Variants in DCLK1 observed in about 807,000 individuals in gnomAD.
The protein encoded by DCLK1 is serine/threonine-protein kinase DCLK1.
A neutral mutation model predicts 86.2 loss-of-function variants in DCLK1; 16 were observed. That is an observed-to-expected ratio of 0.19 (90% CI 0.13 to 0.28). The LOEUF is 0.28. DCLK1 is among the 10% of genes least tolerant of loss of function. DCLK1 has a pLI of 1.00. For synonymous variants in DCLK1, 369 were observed against 370.5 expected, an observed-to-expected ratio of 1.00 and a Z score of 0.05; for missense variants, 590 against 940.2, an observed-to-expected ratio of 0.63 and a Z score of 4.87.
intron 12 of DCLK1, among the ~76,000 whole-genome samples, chr13:35,809,501 G>A (rs1385573504): frequency 6.6e-6 from 1 of 152,146 alleles, no homozygotes; most frequent in Non-Finnish European, 1.5e-5. Flanking sequence ...ATACATGATC[G>A]TACTTTGTTT....
At chr13:35,997,818 A>G (rs1376429423) in intron 3 of DCLK1, among the ~76,000 whole-genome samples, 3 of 152,252 alleles carry the variant, frequency 2.0e-5, no homozygotes, top group African/African-American at 7.2e-5. Flanking sequence ...AAATGTTTTG[A>G]CTAACCAGAA....
intron 3 of DCLK1, among the ~76,000 whole-genome samples, chr13:35,968,739 C>T (rs1019069883): frequency 6.6e-6 from 1 of 151,668 alleles, no homozygotes; most frequent in African/African-American, 2.4e-5. Flanking sequence ...CTCAGCAGAT[C>T]ATAGATTCTC....
intron 3 of DCLK1, among the ~76,000 whole-genome samples, chr13:35,987,568 C>T (rs936338650): frequency 7.9e-5 from 12 of 152,058 alleles, no homozygotes; most frequent in Non-Finnish European, 1.8e-4. Context: ...ATGCCTGTAT[C>T]AAAATATCTC....
chr13:35,805,902 A>T (rs1202117193), intron 14 of DCLK1, 123 bp from the exon 15 acceptor site: 3 of 747,440 alleles, frequency 4.0e-6, no homozygotes, highest in African/African-American at 3.5e-5. Context: ...TCTTAAATAC[A>T]TCAACTCCAC....
At chr13:36,006,971 T>C (rs577912542) in intron 3 of DCLK1, among the ~76,000 whole-genome samples, 2 of 152,352 alleles carry the variant, frequency 1.3e-5, no homozygotes, top group African/African-American at 4.8e-5. Flanking sequence ...CTCAGATTCA[T>C]AACATAATGC....
chr13:35,926,955 T>C (rs1876158678), intron 4 of DCLK1, among the ~76,000 whole-genome samples: 2 of 152,214 alleles, frequency 1.3e-5, no homozygotes, highest in African/African-American at 4.8e-5. Flanking sequence ...CAACTTCACA[T>C]AATGGAATGA....
intron 4 of DCLK1, among the ~76,000 whole-genome samples, chr13:35,928,090 T>C (rs1876227895): frequency 1.3e-5 from 2 of 152,206 alleles, no homozygotes; most frequent in African/African-American, 4.8e-5. Context: ...CTTTCCTGGG[T>C]TCTGTAAGTT....
chr13:35,969,846 C>T (rs182849806), intron 3 of DCLK1, among the ~76,000 whole-genome samples: 1 of 152,102 alleles, frequency 6.6e-6, no homozygotes, highest in Non-Finnish European at 1.5e-5. Flanking sequence ...TGTGATTAGG[C>T]ATGACAGTGA....
At chr13:36,012,955 C>T (rs1346238560) in intron 3 of DCLK1, among the ~76,000 whole-genome samples, 1 of 69,056 alleles carries the variant, frequency 1.4e-5, no homozygotes, top group Admixed American at 1.7e-4. Context: ...CTAAACTTCC[C>T]TTCTCACTTC....
chr13:35,974,888 A>T (rs1379657846), intron 3 of DCLK1, among the ~76,000 whole-genome samples: 1 of 152,218 alleles, frequency 6.6e-6, no homozygotes, highest in Non-Finnish European at 1.5e-5. Flanking sequence ...TTGTTGTTTA[A>T]GCCACCCAGT....
At chr13:35,966,578 C>T (rs1878750863) in intron 3 of DCLK1, among the ~76,000 whole-genome samples, 1 of 148,434 alleles carries the variant, frequency 6.7e-6, no homozygotes, top group African/African-American at 2.5e-5. Flanking sequence ...TGTACTGCCG[C>T]CATCTCGACT....
At position 35,787,984 on chromosome 13, in the gene DCLK1, G is replaced by A. The variant is rs1428212046; in HGVS notation, c.2058+5382C>T. 5 of 534,466 alleles carry A rather than the reference G, an allele frequency of 9.4e-6. No homozygotes were observed. In the East Asian group the frequency reaches 1.7e-4, roughly 18 times the overall value. The allele number at this position is 534,466 out of a possible 1,614,324, so 33.1% of individuals were successfully genotyped here. A position where few individuals can be genotyped will look rare whatever the true frequency, so the allele number is the denominator to read the frequency against. ...TTTAACCATAAGGAAAATTGATACT[G>A]AGCATGTGCAATGGAAAGAAAGCTG... On this transcript the variant is annotated intron_variant, in intron 16 of 16. Coordinates refer to ENST00000360631, the MANE Select transcript of DCLK1 (RefSeq NM_001330071.2).
intron 3 of DCLK1, among the ~76,000 whole-genome samples, chr13:35,953,167 A>G (rs9315376): frequency 0.63 from 95,788 of 151,764 alleles, 30,645 homozygotes; most frequent in Admixed American, 0.68. Context: ...CAACTCTGAA[A>G]GAGACAAACT....
chr13:36,066,220 C>T (rs774040952), intron 3 of DCLK1, among the ~76,000 whole-genome samples: 23 of 152,108 alleles, frequency 1.5e-4, no homozygotes, highest in Non-Finnish European at 3.1e-4. Flanking sequence ...AGTCACTTCC[C>T]ATGTTTAGGC....
At chr13:35,993,285 C>A (rs1880318568) in intron 3 of DCLK1, among the ~76,000 whole-genome samples, 1 of 152,218 alleles carries the variant, frequency 6.6e-6, no homozygotes, top group Non-Finnish European at 1.5e-5. Context: ...GACGCTCCAG[C>A]AACAAGTAAC....
chr13:35,883,013 T>C (rs1001889874), intron 4 of DCLK1, among the ~76,000 whole-genome samples: 5 of 152,136 alleles, frequency 3.3e-5, no homozygotes, highest in African/African-American at 1.2e-4. Context: ...TTGGTGTTGA[T>C]GACGTTGAAG....
intron 16 of DCLK1, among the ~76,000 whole-genome samples, chr13:35,776,146 T>G (rs564687473): frequency 6.6e-6 from 1 of 152,238 alleles, no homozygotes; most frequent in Non-Finnish European, 1.5e-5. Flanking sequence ...TTTTTAAGGA[T>G]CCTCATATAG....
chr13:35,855,566 G>A (rs561415049), intron 5 of DCLK1: 35 of 1,594,186 alleles, frequency 2.2e-5, no homozygotes, highest in African/African-American at 5.4e-5. Context: ...TACCAACGGC[G>A]GAATCCCGTC....
chr13:36,075,068 A>G (rs1016304667), intron 3 of DCLK1, among the ~76,000 whole-genome samples: 4 of 152,222 alleles, frequency 2.6e-5, no homozygotes, highest in Admixed American at 1.3e-4. Context: ...AGTAGACCAC[A>G]TTACTCCCTG....
Sources: gnomAD v4.1 joint callset for allele counts (sites outside exome capture counted in the v4.1 genomes callset) on GRCh38, gnomAD v4.1.1 for gene constraint, MANE v1.5 for transcripts, NCBI Gene and HGNC (gene_info 2026-07-23, HGNC 2026-07-21) for gene names.